Variants in LAMA3 observed in about 807,000 individuals in gnomAD.
The protein encoded by LAMA3 is laminin subunit alpha-3.
LAMA3 carries 281 observed loss-of-function variants against 402.0 expected under a neutral mutation model. That is an observed-to-expected ratio of 0.70 (90% CI 0.63 to 0.77). The LOEUF (loss-of-function observed/expected upper bound fraction) is 0.77. Ranked by LOEUF, LAMA3 falls within the 30% of genes least tolerant of loss-of-function variation. LAMA3 has a pLI of 0.00. For synonymous variants in LAMA3, 1,431 were observed against 1,558.4 expected (o/e 0.92, Z 1.93); for missense variants, 3,840 against 4,215.5 (o/e 0.91, Z 2.47).
At chr18:23,885,414 G>C (rs1367657851) in intron 41 of LAMA3, among the ~76,000 whole-genome samples, 1 of 144,820 alleles carries the variant, frequency 6.9e-6, no homozygotes, top group Non-Finnish European at 1.5e-5. Flanking sequence ...TCTATGTCTT[G>C]TTTATTTCGG....
chr18:23,748,136 A>C, intron 3 of LAMA3, 76 bp downstream of exon 3: 1 of 978,414 alleles, frequency 1.0e-6, no homozygotes, highest in South Asian at 1.3e-5. Context: ...TTTAATTAGA[A>C]AATTAATCTT....
At chr18:23,808,843 T>C (rs979627709) in intron 12 of LAMA3, among the ~76,000 whole-genome samples, 16 of 152,184 alleles carry the variant, frequency 1.1e-4, no homozygotes, top group African/African-American at 3.9e-4. Context: ...GGGGGCCCCA[T>C]GCGCCAAGGC....
At chr18:23,916,027 A>AG (rs2081604596) in intron 59 of LAMA3, among the ~76,000 whole-genome samples, 3 of 120,084 alleles carry the variant, frequency 2.5e-5, no homozygotes, top group South Asian at 2.6e-4. Flanking sequence ...AAAAAAAAAA[A>AG]AAAAGAAAAG....
At chr18:23,858,633 G>A in intron 33 of LAMA3, 56 bp from the exon 34 acceptor site, 6 of 1,582,396 alleles carry the variant, frequency 3.8e-6, no homozygotes, top group Non-Finnish European at 5.2e-6. Flanking sequence ...GTAGCTAATT[G>A]CAACTAGGGA....
Position 23,889,999 on chromosome 18 carries a change from T to C in LAMA3, c.5304-12T>C, listed in dbSNP as rs760607722. ...ATTTGGGTGTTTCTCCTCCTCTCTA[T>C]ATTTTGTGTAGGTGTGCACCGGGAT... On this transcript the variant is annotated splice_polypyrimidine_tract_variant and intron_variant, in intron 41 of 74. Coordinates refer to ENST00000313654, the MANE Select transcript of LAMA3 (RefSeq NM_198129.4). 8.8e-6 allele frequency: 14 copies of C among 1,595,846 alleles called. No homozygotes were observed. Among genetic ancestry groups the C allele is most frequent in the Admixed American group, 3.3e-5 (2 of 59,986 alleles).
In LAMA3 at chr18:23,949,872, T is replaced by A. The variant is rs775601022; in HGVS notation, c.9459T>A (p.Gly3153=). Reference sequence around the variant, plus strand: ...TCGGGGTGTCTTCCTGCTTGGGTGGTCCTTTGGAGAAAGGCATTTATTTCT... The same window carrying A: ...TCGGGGTGTCTTCCTGCTTGGGTGGACCTTTGGAGAAAGGCATTTATTTCT... The part of the protein sequence containing the change: ...SSFGVSSCLG[G]PLEKGIYFSE... The change falls in exon 71 of 75, where the codon GGT becomes GGA. Residue 3153 remains glycine (G), a synonymous_variant. Transcript: ENST00000313654. The A allele has an allele frequency of 1.2e-6, 2 of 1,614,082 alleles. No homozygotes were observed. Among genetic ancestry groups the A allele is most frequent in the Non-Finnish European group, 1.7e-6 (2 of 1,180,026 alleles).
At chr18:23,816,850 G>C (rs1311099245) in intron 18 of LAMA3, among the ~76,000 whole-genome samples, 1 of 152,130 alleles carries the variant, frequency 6.6e-6, no homozygotes, top group Non-Finnish European at 1.5e-5. Flanking sequence ...TCCAGGGAGA[G>C]AGGGAATAAG....
rs2063846438 is a variant in LAMA3 at position 23,847,604 on chromosome 18, T to C, written c.4072T>C (p.Cys1358Arg). 1 of 1,614,094 alleles carries C rather than the reference T, an allele frequency of 6.2e-7. No individual in the cohort carries two copies. Among genetic ancestry groups the C allele is most frequent in the Admixed American group, 1.7e-5 (1 of 60,028 alleles). Reference sequence around the variant, plus strand: ...CATGGCCGGCTGCGAAGGCTGCAACTGTTCCAGGAGGGGCACCATCGAGGC... The same window carrying C: ...CATGGCCGGCTGCGAAGGCTGCAACCGTTCCAGGAGGGGCACCATCGAGGC... Reference protein sequence around the residue: ...HPMAGCEGCNCSRRGTIEAAM... With the variant: ...HPMAGCEGCNRSRRGTIEAAM... Residue 1358 changes from cysteine (C) to arginine (R), a missense_variant, in exon 32 of 75, where the codon TGT (cysteine) becomes CGT (arginine). Transcript: ENST00000313654.
chr18:23,828,590 G>A lies in LAMA3; in HGVS notation c.2823+1123G>A, dbSNP rs369333089. The stretch of plus-strand genomic sequence containing the variant: ...TATACAGGTATATGTATGTGTGTGT[G>A]TATTTGTGTGTGTGTGTTCCCTAGA... On this transcript the variant is annotated intron_variant, in intron 23 of 74. Transcript: ENST00000313654. Among the ~76,000 whole-genome samples the A allele has an allele frequency of 5.3e-5, 8 of 152,164 alleles. No homozygotes were observed. In the East Asian group the frequency reaches 1.2e-3, roughly 22 times the overall value.
chr18:23,954,401 T>TAA (rs11406615), intron 74 of LAMA3, 102 bp from the exon 75 acceptor site: 16,355 of 672,408 alleles, frequency 0.024, 6 homozygotes, highest in Middle Eastern at 0.03. Flanking sequence ...GGACCCTGTC[T>TAA]AAAAAAAAAA....
intron 62 of LAMA3, among the ~76,000 whole-genome samples, chr18:23,925,931 C>T (rs2081989966): frequency 6.6e-6 from 1 of 152,228 alleles, no homozygotes; most frequent in South Asian, 2.1e-4. Flanking sequence ...GTGTGACACA[C>T]TGACAGTACA....
chr18:23,951,326 A>G (rs1599187130), intron 72 of LAMA3, among the ~76,000 whole-genome samples: 1 of 152,198 alleles, frequency 6.6e-6, no homozygotes, highest in South Asian at 2.1e-4. Flanking sequence ...CACATCTCAC[A>G]TATCCTTCCA....
At chr18:23,768,857 G>A (rs2062134543) in intron 8 of LAMA3, among the ~76,000 whole-genome samples, 1 of 152,152 alleles carries the variant, frequency 6.6e-6, no homozygotes, top group Non-Finnish European at 1.5e-5. Flanking sequence ...TGCAGCTGGA[G>A]GTCATTATCC....
At chr18:23,714,238 G>A (rs2145913046) in intron 2 of LAMA3, among the ~76,000 whole-genome samples, 166 bp downstream of exon 2, 1 of 152,256 alleles carries the variant, frequency 6.6e-6, no homozygotes, top group African/African-American at 2.4e-5. Flanking sequence ...ACCCAGAATA[G>A]GCCAGGCACA....
intron 60 of LAMA3, among the ~76,000 whole-genome samples, chr18:23,917,123 T>C (rs1478716887): frequency 6.6e-6 from 1 of 152,178 alleles, no homozygotes; most frequent in Non-Finnish European, 1.5e-5. Flanking sequence ...GTGTGGTATT[T>C]GGTTTTCTGT....
rs779318291 is a variant in LAMA3 at position 23,876,244 on chromosome 18, G to A, written c.4999-50G>A. 9 of 1,217,088 alleles carry A rather than the reference G, an allele frequency of 7.4e-6. No individual in the cohort carries two copies. In the South Asian group the frequency reaches 9.7e-5, roughly 13 times the overall value. The allele number at this position is 1,217,088 out of a possible 1,614,324, so 75.4% of individuals were successfully genotyped here. On this transcript the variant is annotated intron_variant, in intron 38 of 74. Coordinates refer to ENST00000313654, the MANE Select transcript of LAMA3 (RefSeq NM_198129.4). The stretch of plus-strand genomic sequence containing the variant: ...TGAGAGGTGTCACATGCTTTGGATA[G>A]TAATTGTTTTCTTTCTTTGTATTGA...
intron 2 of LAMA3, among the ~76,000 whole-genome samples, chr18:23,735,091 A>G (rs1476028414): frequency 6.6e-6 from 1 of 152,198 alleles, no homozygotes; most frequent in East Asian, 1.9e-4. Context: ...CCAAAACCAC[A>G]AGAAGGAAAG....
intron 67 of LAMA3, among the ~76,000 whole-genome samples, chr18:23,934,495 A>G (rs1393303097): frequency 2.6e-5 from 4 of 152,312 alleles, no homozygotes; most frequent in African/African-American, 9.6e-5. Context: ...ACTGAGAGGA[A>G]ATGAAACTCC....
In LAMA3 at chr18:23,775,949, G is replaced by C. The variant is rs748860947; in HGVS notation, c.1405+26G>C. 1.9e-6 allele frequency: 3 copies of C among 1,613,924 alleles called. No homozygotes were observed. In the East Asian group the frequency reaches 6.7e-5, roughly 36 times the overall value. On this transcript the variant is annotated intron_variant, in intron 10 of 74. Coordinates refer to ENST00000313654, the MANE Select transcript of LAMA3 (RefSeq NM_198129.4). ...GTAAGTACCCACTGCAGAACAAGAG[G>C]CCACCCTTTTTGGTCCATAGCTGGC...
Sources: gnomAD v4.1 joint callset for allele counts (sites outside exome capture counted in the v4.1 genomes callset) on GRCh38, gnomAD v4.1.1 for gene constraint, MANE v1.5 for transcripts, NCBI Gene and HGNC (gene_info 2026-07-23, HGNC 2026-07-21) for gene names.